Variants in DPH6 observed in about 807,000 individuals in gnomAD.
DPH6 encodes the protein diphthamine biosynthesis 6.
In DPH6, 33 loss-of-function variants were observed where a neutral mutation model predicts 38.2. The ratio of observed to expected loss-of-function variants is 0.86; its 90% CI spans 0.65 to 1.15. DPH6 has a LOEUF of 1.15. Among genes scored for constraint, DPH6 ranks in the 50% most tolerant of loss-of-function variants. The probability of loss-of-function intolerance (pLI) is 0.00; values close to 1 mark genes in which losing one functional copy is unlikely to be tolerated. For missense variants in DPH6, 325 were observed against 320.0 expected, an observed-to-expected ratio of 1.02 and a Z score of -0.12; for synonymous variants, 108 against 103.0, an observed-to-expected ratio of 1.05 and a Z score of -0.30.
chr15:35,293,827 C>T (rs1230663638), intron 3 of DPH6, among the ~76,000 whole-genome samples: 1 of 152,228 alleles, frequency 6.6e-6, no homozygotes, highest in Non-Finnish European at 1.5e-5. Context: ...AGAATGAAAT[C>T]TTCCCTAGTG....
intron 3 of DPH6, among the ~76,000 whole-genome samples, chr15:35,362,240 G>T (rs534021711): frequency 6.6e-6 from 1 of 152,218 alleles, no homozygotes; most frequent in East Asian, 1.9e-4. Flanking sequence ...TCTGTAGAGT[G>T]TCTGTCTGCA....
intron 3 of DPH6, among the ~76,000 whole-genome samples, chr15:35,530,739 C>T (rs1187305543): frequency 6.6e-6 from 1 of 152,174 alleles, no homozygotes; most frequent in Non-Finnish European, 1.5e-5. Context: ...TAGTAATTGA[C>T]AAATATGGTA....
At chr15:35,423,649 C>G (rs529251154) in intron 5 of DPH6, among the ~76,000 whole-genome samples, 33 of 151,420 alleles carry the variant, frequency 2.2e-4, no homozygotes, top group African/African-American at 8.0e-4. Context: ...CCTTTGTTTT[C>G]TTCAAGGAGT....
At chr15:35,407,416 C>T (rs1368579607) in intron 6 of DPH6, among the ~76,000 whole-genome samples, 1 of 151,626 alleles carries the variant, frequency 6.6e-6, no homozygotes, top group South Asian at 2.1e-4. Context: ...AACAAATATT[C>T]AATAATTTAA....
At chr15:35,353,247 G>A (rs1456319170) in intron 3 of DPH6, among the ~76,000 whole-genome samples, 4 of 152,136 alleles carry the variant, frequency 2.6e-5, no homozygotes, top group African/African-American at 9.7e-5. Flanking sequence ...CACTCTGATG[G>A]TAGTTTCTTT....
At position 35,513,236 on chromosome 15, in the gene DPH6, C is replaced by G. The variant is rs987354588; in HGVS notation, c.312+25038G>C. ...TGAGCAACATCTTCATATTTTTATA[C>G]TTTCGTGTATTTTTTAAATTTAAAA... On this transcript the variant is annotated intron_variant, in intron 3 of 8. Transcript: ENST00000256538. Among the ~76,000 whole-genome samples, 4 of 151,976 alleles carry G rather than the reference C, an allele frequency of 2.6e-5. No homozygotes were observed. In the South Asian group the frequency reaches 8.3e-4, roughly 31 times the overall value.
chr15:35,519,897 G>A (rs2054898014), intron 3 of DPH6: 1 of 151,842 alleles, frequency 6.6e-6, no homozygotes, highest in African/African-American at 2.4e-5. Flanking sequence ...CTTCAATGGG[G>A]GAAAAAACTT....
downstream of DPH6, among the ~76,000 whole-genome samples, chr15:35,213,575 T>C (rs74008085): frequency 0.053 from 8,066 of 152,276 alleles, 289 homozygotes; most frequent in African/African-American, 0.094. Context: ...AAGAATATCT[T>C]CTCAGTTAAC....
intron 3 of DPH6, among the ~76,000 whole-genome samples, chr15:35,491,229 A>T (rs992187428): frequency 2.6e-5 from 4 of 152,110 alleles, no homozygotes; most frequent in South Asian, 2.1e-4. Flanking sequence ...GGATAAAGAC[A>T]AGTAAAAAAT....
At chr15:35,153,262 A>G in the DPH6 span, among the ~76,000 whole-genome samples, 3 of 152,248 alleles carry the variant, frequency 2.0e-5, no homozygotes, top group African/African-American at 7.2e-5. Context: ...GCATACAGAA[A>G]AAAACCTGCC....
intron 3 of DPH6, among the ~76,000 whole-genome samples, chr15:35,534,058 C>T (rs1391798246): frequency 6.6e-6 from 1 of 151,598 alleles, no homozygotes; most frequent in Non-Finnish European, 1.5e-5. Context: ...GAGAAGAAAA[C>T]TAAGAAAAAA....
At chr15:35,391,413 T>C (rs1666101115) in intron 6 of DPH6, among the ~76,000 whole-genome samples, 1 of 152,170 alleles carries the variant, frequency 6.6e-6, no homozygotes, top group Non-Finnish European at 1.5e-5. Flanking sequence ...TTGCTGTCTT[T>C]TGTTTGTCTG....
chr15:35,506,558 C>G (rs1480450083), intron 3 of DPH6, among the ~76,000 whole-genome samples: 6 of 152,120 alleles, frequency 3.9e-5, no homozygotes, highest in African/African-American at 1.2e-4. Context: ...CGCTAGGTCA[C>G]GACCTGAACT....
the DPH6 span, among the ~76,000 whole-genome samples, chr15:35,197,275 A>G: frequency 1.3e-5 from 2 of 152,228 alleles, no homozygotes; most frequent in Non-Finnish European, 2.9e-5. Flanking sequence ...AAAGGGAAAA[A>G]GCAGCTTTCA....
chr15:35,450,229 CA>C (rs1272505322), intron 5 of DPH6, among the ~76,000 whole-genome samples: 4 of 151,888 alleles, frequency 2.6e-5, no homozygotes, highest in African/African-American at 4.8e-5. Flanking sequence ...ATAACAAAAA[CA>C]AAACCATCAT....
chr15:35,381,622 G>C (rs944772156), intron 7 of DPH6, among the ~76,000 whole-genome samples, 200 bp downstream of exon 7: 1 of 152,094 alleles, frequency 6.6e-6, no homozygotes, highest in South Asian at 2.1e-4. Flanking sequence ...AAAGTTTATA[G>C]CCTTCTATGA....
intron 6 of DPH6, chr15:35,400,595 A>T: frequency 4.7e-6 from 2 of 429,974 alleles, no homozygotes; most frequent in Non-Finnish European, 8.4e-6. Context: ...GAGAATATAA[A>T]CCTTGACTAA....
chr15:35,310,005 T>C (rs1647066446), intron 3 of DPH6, among the ~76,000 whole-genome samples: 2 of 152,130 alleles, frequency 1.3e-5, no homozygotes, highest in Non-Finnish European at 2.9e-5. Context: ...AGAAAACTTT[T>C]TTTTCCCCCT....
At chr15:35,320,271 A>G (rs2052228305) in intron 3 of DPH6, among the ~76,000 whole-genome samples, 1 of 152,120 alleles carries the variant, frequency 6.6e-6, no homozygotes, top group South Asian at 2.1e-4. Context: ...TCTGGTTCTT[A>G]TATTGTTAGC....
Sources: gnomAD v4.1 joint callset for allele counts (sites outside exome capture counted in the v4.1 genomes callset) on GRCh38, gnomAD v4.1.1 for gene constraint, MANE v1.5 for transcripts, NCBI Gene and HGNC (gene_info 2026-07-23, HGNC 2026-07-21) for gene names.